The following YTHDC2 variants were observed in gnomAD, a reference collection of about 807,000 sequenced individuals.
The protein encoded by YTHDC2 is 3'-5' RNA helicase YTHDC2.
YTHDC2 carries 45 observed loss-of-function variants against 174.9 expected under a neutral mutation model. The observed-to-expected ratio is 0.26, with a 90% CI of 0.20 to 0.33. The LOEUF is 0.33. YTHDC2 is among the 10% of genes least tolerant of loss of function. The pLI is 1.00. For synonymous variants in YTHDC2, 657 were observed against 574.5 expected, an observed-to-expected ratio of 1.14 and a Z score of -2.05; for missense variants, 1,650 against 1,723.7, an observed-to-expected ratio of 0.96 and a Z score of 0.76.
rs1287224636 is a variant in YTHDC2, at chr5:113,540,951, T to C, written c.1211-17T>C. 1.2e-6 allele frequency: 2 copies of C among 1,603,020 alleles called. No homozygotes were observed. Among genetic ancestry groups the C allele is most frequent in the African/African-American group, 1.3e-5 (1 of 74,274 alleles). ...AAATGATTTGTCTACATATTCTTTCTTTGATAATTAATTTAGAAGAGAAAC... is the reference window on the plus strand; with the variant it reads ...AAATGATTTGTCTACATATTCTTTCCTTGATAATTAATTTAGAAGAGAAAC... On this transcript the variant is annotated splice_polypyrimidine_tract_variant and intron_variant, in intron 8 of 29. Coordinates refer to ENST00000161863, the MANE Select transcript of YTHDC2 (RefSeq NM_022828.5).
chr5:113,516,102 G>A (rs1015829511), intron 2 of YTHDC2, among the ~76,000 whole-genome samples: 5 of 152,184 alleles, frequency 3.3e-5, no homozygotes, highest in Admixed American at 3.3e-4. Flanking sequence ...ATTTTAAGAT[G>A]TAAGAAAAAA....
intron 3 of YTHDC2, among the ~76,000 whole-genome samples, chr5:113,525,914 AC>A (rs1774193864): frequency 6.6e-6 from 1 of 152,138 alleles, no homozygotes; most frequent in Non-Finnish European, 1.5e-5. Flanking sequence ...ATATAGGCAC[AC>A]AAACATATTT....
At chr5:113,549,433 A>G (rs370609160) in intron 12 of YTHDC2, among the ~76,000 whole-genome samples, 5 of 152,324 alleles carry the variant, frequency 3.3e-5, no homozygotes, top group African/African-American at 1.2e-4. Flanking sequence ...CAGAACTAAG[A>G]AAACTCACAG....
At chr5:113,516,270 T>C (rs907566071) in intron 2 of YTHDC2, among the ~76,000 whole-genome samples, 12 of 152,230 alleles carry the variant, frequency 7.9e-5, no homozygotes, top group African/African-American at 2.9e-4. Flanking sequence ...TTAGAGCATA[T>C]GTTCATTGTT....
intron 23 of YTHDC2, among the ~76,000 whole-genome samples, chr5:113,578,181 CTG>C (rs145482719): frequency 2.4e-4 from 36 of 150,200 alleles, no homozygotes; most frequent in African/African-American, 7.8e-4. Context: ...GTGTGTGTAT[CTG>C]TGTGTGTGTG....
intron 1 of YTHDC2, 91 bp downstream of exon 1, chr5:113,514,173 G>A: frequency 6.8e-7 from 1 of 1,478,962 alleles, no homozygotes; most frequent in Non-Finnish European, 9.1e-7. Context: ...TGATGGGGGT[G>A]CCTCCGAAGA....
intron 2 of YTHDC2, among the ~76,000 whole-genome samples, chr5:113,517,880 C>T (rs994368422): frequency 6.6e-6 from 1 of 151,986 alleles, no homozygotes; most frequent in Non-Finnish European, 1.5e-5. Context: ...CACCCTTTGA[C>T]TTTATTTTAT....
In YTHDC2 at chr5:113,594,877, A is replaced by G. The variant is rs796804706; in HGVS notation, c.*1403A>G. ...AACCTTCTACTTTCTCTGGGAAAGC[A>G]TTATATAGTGGTGCATTAGTTTAGA... On this transcript the variant is annotated 3_prime_UTR_variant, in exon 30 of 30. Transcript: ENST00000161863. The G allele has an allele frequency of 4.0e-5, 6 of 151,434 alleles. No homozygotes were observed. Among genetic ancestry groups the G allele is most frequent in the African/African-American group, 1.4e-4 (6 of 41,500 alleles). 9.4% of individuals were successfully genotyped at this position (151,434 alleles called of 1,614,324 possible).
chr5:113,549,045 T>G, intron 12 of YTHDC2, 25 bp downstream of exon 12: 1 of 1,570,618 alleles, frequency 6.4e-7, no homozygotes, highest in Non-Finnish European at 8.7e-7. Flanking sequence ...TATTTTAAAT[T>G]AATTCTACCG....
chr5:113,563,257 C>G, intron 18 of YTHDC2, 116 bp from the exon 19 acceptor site: 6 of 840,564 alleles, frequency 7.1e-6, no homozygotes, highest in Non-Finnish European at 1.0e-5. Context: ...ACTGTTCATT[C>G]TAATCAGAGA....
At chr5:113,585,617 C>T (rs988919078) in intron 26 of YTHDC2, among the ~76,000 whole-genome samples, 12 of 151,986 alleles carry the variant, frequency 7.9e-5, no homozygotes, top group African/African-American at 2.4e-4. Flanking sequence ...CCTGGTAACC[C>T]ACTGTTCTGC....
intron 23 of YTHDC2, among the ~76,000 whole-genome samples, chr5:113,572,932 A>C (rs531375996): frequency 6.6e-6 from 1 of 152,082 alleles, no homozygotes; most frequent in East Asian, 1.9e-4. Flanking sequence ...TGTGCCTTTC[A>C]CTTGGGACAT....
At position 113,567,427 on chromosome 5, in the gene YTHDC2, T is replaced by TATAAAA. The variant is rs138503872; in HGVS notation, c.3048+130_3048+131insATAAAA. 1.1e-3 allele frequency: 427 copies of TATAAAA among 375,096 alleles called. 7 individuals are homozygous for TATAAAA. Among genetic ancestry groups the TATAAAA allele is most frequent in the African/African-American group, 9.5e-3 (377 of 39,598 alleles). The allele number at this position is 375,096 out of a possible 1,614,324, so 23.2% of individuals were successfully genotyped here. A position where few individuals can be genotyped will look rare whatever the true frequency, so the allele number is the denominator to read the frequency against. On this transcript the variant is annotated intron_variant, in intron 22 of 29. Transcript: ENST00000161863. The stretch of plus-strand genomic sequence containing the variant: ...AGTTATATATATATATATATATATA[T>TATAAAA]CATTAAATATTGGAACAAAACTTAT...
intron 26 of YTHDC2, among the ~76,000 whole-genome samples, chr5:113,589,279 G>A (rs1455583424): frequency 6.7e-6 from 1 of 150,332 alleles, no homozygotes; most frequent in Admixed American, 6.6e-5. Context: ...TAGTTCTACT[G>A]TTTTGTCTGT....
intron 10 of YTHDC2, among the ~76,000 whole-genome samples, chr5:113,544,440 C>T (rs1422159366): frequency 1.3e-5 from 2 of 152,156 alleles, no homozygotes; most frequent in Non-Finnish European, 2.9e-5. Flanking sequence ...TGAGTCACCA[C>T]ACCCAGCCCA....
chr5:113,546,571 A>G (rs1162559184), intron 10 of YTHDC2, among the ~76,000 whole-genome samples: 1 of 152,220 alleles, frequency 6.6e-6, no homozygotes, highest in Non-Finnish European at 1.5e-5. Context: ...ATCATGTAGA[A>G]GCAGCTAATA....
rs775768694 is a variant in YTHDC2 at position 113,579,715 on chromosome 5, T to A, written c.3354+20T>A. ...CCAGAGGTAAGTTGCTTTCAAGTAGTGTAATAAATTTCTTTCATTCAGTTA... is the reference window on the plus strand; with the variant it reads ...CCAGAGGTAAGTTGCTTTCAAGTAGAGTAATAAATTTCTTTCATTCAGTTA... On this transcript the variant is annotated intron_variant, in intron 24 of 29. Coordinates refer to ENST00000161863, the MANE Select transcript of YTHDC2 (RefSeq NM_022828.5). The A allele has an allele frequency of 4.4e-6, 7 of 1,575,438 alleles. No individual in the cohort carries two copies. Among genetic ancestry groups the A allele is most frequent in the Non-Finnish European group, 6.0e-6 (7 of 1,163,290 alleles).
At chr5:113,572,902 CTT>C (rs1198688716) in intron 23 of YTHDC2, among the ~76,000 whole-genome samples, 1 of 152,174 alleles carries the variant, frequency 6.6e-6, no homozygotes, top group African/African-American at 2.4e-5. Context: ...GGTCTTGGCT[CTT>C]TATCCAGTTT....
At chr5:113,574,460 G>A (rs1489841293) in intron 23 of YTHDC2, among the ~76,000 whole-genome samples, 3 of 152,222 alleles carry the variant, frequency 2.0e-5, no homozygotes, top group African/African-American at 7.2e-5. Context: ...CCTGTACAAA[G>A]AAGCAGTCTG....
Sources: allele counts gnomAD v4.1 joint callset (sites outside exome capture counted in the v4.1 genomes callset), GRCh38; gene constraint gnomAD v4.1.1; transcripts MANE v1.5; gene names NCBI Gene and HGNC (gene_info 2026-07-23, HGNC 2026-07-21).